AFAP1: variants seen among roughly 807,000 people sequenced by gnomAD.
AFAP1 encodes actin filament associated protein 1, also known as actin filament-associated protein 1.
AFAP1 carries 75 observed loss-of-function variants against 93.9 expected under a neutral mutation model. The ratio of observed to expected loss-of-function variants is 0.80; its 90% CI spans 0.66 to 0.97. The LOEUF is 0.97. Among genes scored for constraint, AFAP1 ranks in the 50% least tolerant of loss-of-function variants. The probability of loss-of-function intolerance (pLI) is 0.00; values close to 1 mark genes in which losing one functional copy is unlikely to be tolerated. For missense variants in AFAP1, 1,201 were observed against 1,050.8 expected, an observed-to-expected ratio of 1.14 and a Z score of -1.98; for synonymous variants, 517 against 430.7, an observed-to-expected ratio of 1.20 and a Z score of -2.48.
At chr4:7,819,202 G>A in intron 6 of AFAP1, 31 bp from the exon 7 acceptor site, 1 of 1,568,218 alleles carries the variant, frequency 6.4e-7, no homozygotes. Flanking sequence ...TTGTGAGTAT[G>A]CCCAAAGGCA....
chr4:7,810,152 C>T (rs968860249), intron 8 of AFAP1, among the ~76,000 whole-genome samples: 12 of 152,212 alleles, frequency 7.9e-5, no homozygotes, highest in Admixed American at 7.2e-4. Flanking sequence ...TGTGAGCCAC[C>T]GTGCCCGGCC....
At chr4:7,773,315 A>C in intron 15 of AFAP1, 3 of 319,988 alleles carry the variant, frequency 9.4e-6, no homozygotes, top group South Asian at 4.4e-5. Flanking sequence ...TGGACCCTAA[A>C]CTCCACAGTT....
rs1403499507 is a variant in AFAP1, at chr4:7,932,051, T to TG, written c.-3+7604dup. Reference sequence around the variant, plus strand: ...AATTTTTTGTATTTTTTAGTAGAGATGGGGTTTCACCATAACCAGGATGGT... The same window carrying TG: ...AATTTTTTGTATTTTTTAGTAGAGATGGGGGTTTCACCATAACCAGGATGGT... On this transcript the variant is annotated intron_variant, in intron 1 of 17. Transcript: ENST00000420658. 5.9e-5 allele frequency among the ~76,000 whole-genome samples: 9 copies of TG among 151,924 alleles called. No homozygotes were observed. The East Asian group carries it at 1.7e-3, about 29-fold the overall frequency.
chr4:7,763,774 G>A lies in AFAP1; in HGVS notation c.2436C>T (p.Asn812=), dbSNP rs114329356. 7.1e-3 allele frequency: 10,954 copies of A among 1,551,574 alleles called. 42 individuals carry two copies. Among genetic ancestry groups the A allele is most frequent in the Non-Finnish European group, 8.8e-3 (10,086 of 1,146,884 alleles). The change falls in exon 18 of 18, where the codon AAC becomes AAT. Residue 812 remains asparagine, a synonymous_variant. Coordinates refer to ENST00000420658, the MANE Select transcript of AFAP1 (RefSeq NM_001134647.2). ...GTGGTGCTGCTGTCCCCTAGGTCCC[G>A]TTCTTCAATTCCCATTCCTAGAGGA... ...LRKAKEWELK[N]GT is the part of the protein sequence containing the mutation.
chr4:7,777,682 G>A (rs1716288552), intron 14 of AFAP1: 1 of 152,190 alleles, frequency 6.6e-6, no homozygotes, highest in Admixed American at 6.5e-5. Context: ...CAAATCCCAA[G>A]TGGCGATGGC....
At chr4:7,800,239 T>A (rs28475763) in intron 10 of AFAP1, among the ~76,000 whole-genome samples, 30,602 of 151,186 alleles carry the variant, frequency 0.2, 3,613 homozygotes, top group African/African-American at 0.33. Context: ...GCCGTCATTG[T>A]CGTATCTCCC....
chr4:7,793,471 G>T (rs1400567968), intron 11 of AFAP1, among the ~76,000 whole-genome samples: 1 of 152,230 alleles, frequency 6.6e-6, no homozygotes, highest in Non-Finnish European at 1.5e-5. Flanking sequence ...AGTCCTTCAT[G>T]CAAGTTTGCC....
intron 1 of AFAP1, among the ~76,000 whole-genome samples, chr4:7,893,092 G>GA: frequency 6.6e-6 from 1 of 152,152 alleles, no homozygotes; most frequent in Non-Finnish European, 1.5e-5. Flanking sequence ...CCCGGTGCCG[G>GA]GGGGGCAGAA....
chr4:7,873,059 G>C (rs1428390719), intron 1 of AFAP1, among the ~76,000 whole-genome samples: 1 of 150,426 alleles, frequency 6.6e-6, no homozygotes, highest in Admixed American at 6.6e-5. Context: ...AGACCAGCCT[G>C]GCCAACATGG....
intron 15 of AFAP1, chr4:7,773,224 G>A (rs772137437): frequency 2.4e-5 from 17 of 706,618 alleles, no homozygotes; most frequent in East Asian, 1.5e-4. Flanking sequence ...TTGAGGACTC[G>A]GACCAGGAAA....
chr4:7,773,985 C>T (rs1183255428), intron 15 of AFAP1: 2 of 152,442 alleles, frequency 1.3e-5, no homozygotes, highest in South Asian at 2.1e-4. Context: ...GGCTCTGAGG[C>T]ATCTGAAGCC....
chr4:7,846,770 C>A (rs1713753356), intron 4 of AFAP1, among the ~76,000 whole-genome samples: 1 of 152,178 alleles, frequency 6.6e-6, no homozygotes, highest in Non-Finnish European at 1.5e-5. Flanking sequence ...TTTCTCACAT[C>A]CACCATCTCA....
At chr4:7,933,004 A>C (rs1309388684) in intron 1 of AFAP1, among the ~76,000 whole-genome samples, 3 of 103,366 alleles carry the variant, frequency 2.9e-5, no homozygotes, top group Non-Finnish European at 1.8e-5. Flanking sequence ...TGGGCAACAG[A>C]GTGAGACTCC....
chr4:7,896,318 A>T (rs1267407298), intron 1 of AFAP1, among the ~76,000 whole-genome samples: 1 of 152,118 alleles, frequency 6.6e-6, no homozygotes, highest in Non-Finnish European at 1.5e-5. Context: ...ATGAGGACTC[A>T]GAAGTTACAA....
At chr4:7,865,242 A>C (rs1056670589) in intron 3 of AFAP1, among the ~76,000 whole-genome samples, 1 of 152,212 alleles carries the variant, frequency 6.6e-6, no homozygotes, top group Non-Finnish European at 1.5e-5. Context: ...AGCATGGCTT[A>C]GGTGTCCAGG....
At chr4:7,863,975 A>G (rs62289325) in intron 3 of AFAP1, among the ~76,000 whole-genome samples, 1 of 18,526 alleles carries the variant, frequency 5.4e-5, no homozygotes, top group Non-Finnish European at 1.2e-4. Context: ...ATCACAACCC[A>G]TTCCCAACTT....
chr4:7,817,183 G>GTTT (rs1720552022), intron 7 of AFAP1, among the ~76,000 whole-genome samples: 1 of 152,146 alleles, frequency 6.6e-6, no homozygotes, highest in African/African-American at 2.4e-5. Context: ...TCTTAAAAAA[G>GTTT]AAAAAGAGGT....
Position 7,768,917 on chromosome 4 carries a change from G to A in AFAP1, c.2345C>T (p.Ala782Val), listed in dbSNP as rs567100694. The A allele has an allele frequency of 3.5e-5, 57 of 1,613,590 alleles. No individual in the cohort carries two copies. The highest frequency in any genetic ancestry group is 6.7e-5 in the African/African-American group (5 of 74,922). The change falls in exon 17 of 18, where the codon GCG (alanine) becomes GTG (valine). Residue 782 changes from alanine (A) to valine (V), a missense_variant. Transcript: ENST00000420658. ...AGCCTGGCTCTTCTTCAAGACGGCC[G>A]CGCTGTTCACCGGCACGGGGCCCTC... ...DTEGPVPVNS[A>V]AVLKKSQAAP... is the part of the protein sequence containing the mutation.
intron 4 of AFAP1, among the ~76,000 whole-genome samples, chr4:7,854,587 C>T (rs1714833377): frequency 6.6e-6 from 1 of 152,194 alleles, no homozygotes; most frequent in African/African-American, 2.4e-5. Flanking sequence ...AACAGTATAA[C>T]AACTTTGGGG....
Sources: gnomAD v4.1 joint callset for allele counts (sites outside exome capture counted in the v4.1 genomes callset) on GRCh38, gnomAD v4.1.1 for gene constraint, MANE v1.5 for transcripts, NCBI Gene and HGNC (gene_info 2026-07-23, HGNC 2026-07-21) for gene names.